WDR27: variants seen among roughly 807,000 people sequenced by gnomAD.
WDR27 encodes WD repeat-containing protein 27.
In WDR27, 100 loss-of-function variants were observed where a neutral mutation model predicts 114.4. The observed-to-expected ratio is 0.87, with a 90% CI of 0.74 to 1.03. WDR27 has a LOEUF of 1.03. WDR27 is among the 50% of genes least tolerant of loss of function. WDR27 has a pLI of 0.00. For missense variants in WDR27, 1,129 were observed against 1,092.9 expected (o/e 1.03, Z -0.47); for synonymous variants, 449 against 423.1 (o/e 1.06, Z -0.75).
intron 17 of WDR27, among the ~76,000 whole-genome samples, chr6:169,639,129 CTG>C (rs1818494486): frequency 7.7e-6 from 1 of 130,462 alleles, no homozygotes; most frequent in African/African-American, 3.1e-5. Flanking sequence ...GTGCTCGGTA[CTG>C]TGTGGTGCTG....
intron 16 of WDR27, among the ~76,000 whole-genome samples, chr6:169,646,284 G>A (rs1355211375): frequency 6.6e-6 from 1 of 152,182 alleles, no homozygotes; most frequent in Non-Finnish European, 1.5e-5. Flanking sequence ...TGAGGCTGCT[G>A]TTCAAGGTTG....
chr6:169,502,507 A>C (rs1227420208), intron 25 of WDR27, among the ~76,000 whole-genome samples: 1 of 152,178 alleles, frequency 6.6e-6, no homozygotes, highest in East Asian at 1.9e-4. Context: ...AATGGGCCGC[A>C]CTGGGCTAAG....
At chr6:169,488,850 C>T (rs960320237) in intron 25 of WDR27, among the ~76,000 whole-genome samples, 13 of 151,594 alleles carry the variant, frequency 8.6e-5, no homozygotes, top group South Asian at 2.1e-4. Context: ...GCATAATCGT[C>T]TTTTGGAGTG....
chr6:169,610,661 G>C (rs1584560398), intron 22 of WDR27, among the ~76,000 whole-genome samples: 1 of 152,030 alleles, frequency 6.6e-6, no homozygotes, highest in Admixed American at 6.6e-5. Flanking sequence ...CAACTAATGA[G>C]TGAAAAAAGA....
chr6:169,676,476 T>C (rs1780095048), intron 2 of WDR27, among the ~76,000 whole-genome samples: 1 of 152,206 alleles, frequency 6.6e-6, no homozygotes, highest in South Asian at 2.1e-4. Flanking sequence ...CCTGCGAAGC[T>C]GTCTCTTGTG....
chr6:169,569,538 T>C (rs1801032784), intron 25 of WDR27, among the ~76,000 whole-genome samples: 1 of 152,212 alleles, frequency 6.6e-6, no homozygotes, highest in Non-Finnish European at 1.5e-5. Flanking sequence ...TAATCAATTA[T>C]TAAAAATCTA....
At chr6:169,556,606 T>A (rs932205586) in intron 25 of WDR27, among the ~76,000 whole-genome samples, 2 of 152,214 alleles carry the variant, frequency 1.3e-5, no homozygotes, top group African/African-American at 4.8e-5. Context: ...CAAATCTAAT[T>A]TTAATTAAAA....
chr6:169,574,613 T>C (rs1801955870), intron 24 of WDR27, among the ~76,000 whole-genome samples: 1 of 152,150 alleles, frequency 6.6e-6, no homozygotes, highest in Non-Finnish European at 1.5e-5. Flanking sequence ...CATCCTGCAG[T>C]GCCAGATCTT....
intron 25 of WDR27, among the ~76,000 whole-genome samples, chr6:169,493,397 G>A (rs757963733): frequency 7.9e-5 from 12 of 152,016 alleles, no homozygotes; most frequent in Admixed American, 2.0e-4. Context: ...ATTTGCCAAC[G>A]AAAAAAGTTT....
intron 25 of WDR27, among the ~76,000 whole-genome samples, chr6:169,527,587 G>T (rs1056834800): frequency 6.6e-6 from 1 of 152,082 alleles, no homozygotes; most frequent in African/African-American, 2.4e-5. Context: ...CTCAAACCAA[G>T]TAAACTGCAC....
At chr6:169,634,153 T>C (rs1817100890) in intron 20 of WDR27, among the ~76,000 whole-genome samples, 1 of 152,152 alleles carries the variant, frequency 6.6e-6, no homozygotes, top group Non-Finnish European at 1.5e-5. Flanking sequence ...GTCAACAAAG[T>C]CCAGAGCAGA....
chr6:169,509,534 A>T (rs1792477585), intron 25 of WDR27, among the ~76,000 whole-genome samples: 1 of 151,894 alleles, frequency 6.6e-6, no homozygotes, highest in Non-Finnish European at 1.5e-5. Flanking sequence ...TGGGGAAAGG[A>T]TTCCCTATTT....
downstream of WDR27, among the ~76,000 whole-genome samples, chr6:169,453,258 G>A (rs965211025): frequency 2.0e-5 from 3 of 152,212 alleles, no homozygotes; most frequent in Admixed American, 2.0e-4. Flanking sequence ...GTGAGGACCA[G>A]GCTCCCCAGA....
chr6:169,670,732 G>A (rs1259857328), intron 3 of WDR27, 39 bp from the exon 4 acceptor site: 3 of 1,610,670 alleles, frequency 1.9e-6, no homozygotes, highest in East Asian at 2.2e-5. Context: ...TTTACCAAAT[G>A]CATTCAGCAT....
At chr6:169,567,348 T>C (rs1435815147) in intron 25 of WDR27, among the ~76,000 whole-genome samples, 1 of 152,172 alleles carries the variant, frequency 6.6e-6, no homozygotes, top group Non-Finnish European at 1.5e-5. Flanking sequence ...GGCAGAACAG[T>C]GCATGTGCCT....
In WDR27 at chr6:169,497,020, C is replaced by A. The variant is rs188132102; in HGVS notation, c.2646-39386G>T. Among the ~76,000 whole-genome samples, 266 of 152,204 alleles carry A rather than the reference C, an allele frequency of 1.7e-3. 3 individuals carry two copies. The highest frequency in any genetic ancestry group is 5.9e-3 in the African/African-American group (247 of 41,560). On this transcript the variant is annotated intron_variant, in intron 25 of 25. Coordinates refer to ENST00000448612, the MANE Select transcript of WDR27 (RefSeq NM_182552.5). ...AAAGAACAAAACTGGAGGACCTACA[C>A]TTTCTAATTTCACACATTAATACAG...
In WDR27 at chr6:169,598,714, T is replaced by C. The variant is rs1455332806; in HGVS notation, c.2424+3505A>G. 2.0e-5 allele frequency among the ~76,000 whole-genome samples: 3 copies of C among 152,148 alleles called. No homozygotes were observed. The East Asian group carries it at 5.8e-4, about 29-fold the overall frequency. The stretch of plus-strand genomic sequence containing the variant: ...ACACACCAAGGAACCCCAGGGACTG[T>C]AGCAGCCACAGAGGCCAGGGAAGCG... On this transcript the variant is annotated intron_variant, in intron 23 of 25. Transcript: ENST00000448612.
At chr6:169,632,338 C>T (rs977461079) in intron 21 of WDR27, among the ~76,000 whole-genome samples, 4 of 152,172 alleles carry the variant, frequency 2.6e-5, no homozygotes, top group African/African-American at 9.7e-5. Flanking sequence ...AAATCCTCAA[C>T]TTGGAAAACC....
In WDR27 at chr6:169,680,509, G is replaced by A. The variant is rs577491151; in HGVS notation, c.190-8113C>T. Among the ~76,000 whole-genome samples, 3 of 152,334 alleles carry A rather than the reference G, an allele frequency of 2.0e-5. No individual in the cohort carries two copies. The South Asian group carries it at 6.2e-4, about 32-fold the overall frequency. On this transcript the variant is annotated intron_variant, in intron 2 of 25. Coordinates refer to ENST00000448612, the MANE Select transcript of WDR27 (RefSeq NM_182552.5). ...AGGCAGGAGAATGACGTGAACCCGG[G>A]AGGCGGAGCTTGCAGTGAGCCAAGA...
Sources: allele counts gnomAD v4.1 joint callset (sites outside exome capture counted in the v4.1 genomes callset), GRCh38; gene constraint gnomAD v4.1.1; transcripts MANE v1.5; gene names NCBI Gene and HGNC (gene_info 2026-07-23, HGNC 2026-07-21).